The following SLC12A3 variants were observed in gnomAD, a reference collection of about 807,000 sequenced individuals.
The protein encoded by SLC12A3 is solute carrier family 12 member 3.
Under a neutral mutation model 121.0 loss-of-function variants are expected in SLC12A3, and 104 were observed. That is an observed-to-expected ratio of 0.86 (90% CI 0.73 to 1.01). The LOEUF (loss-of-function observed/expected upper bound fraction) is 1.01, where lower values mean the gene tolerates loss of function less well. SLC12A3 is among the 50% of genes least tolerant of loss of function. The pLI, the probability that SLC12A3 is intolerant of heterozygous loss-of-function variation, is 0.00. For missense variants in SLC12A3, 1,328 were observed against 1,356.3 expected (o/e 0.98, Z 0.33); for synonymous variants, 536 against 533.4 (o/e 1.00, Z -0.07).
At chr16:56,866,132 C>T (rs148314043) in intron 1 of SLC12A3, among the ~76,000 whole-genome samples, 11 of 151,954 alleles carry the variant, frequency 7.2e-5, no homozygotes, top group Middle Eastern at 3.4e-3. Context: ...ATTACAGGAG[C>T]GCACCACCAC....
chr16:56,898,845 T>C (rs1443335654), intron 22 of SLC12A3, among the ~76,000 whole-genome samples: 2 of 152,238 alleles, frequency 1.3e-5, no homozygotes, highest in Non-Finnish European at 2.9e-5. Flanking sequence ...TCCTATTCCT[T>C]AGACCTTTGT....
intron 18 of SLC12A3, 21 bp from the exon 19 acceptor site, chr16:56,890,253 C>T (rs773788550): frequency 2.5e-6 from 4 of 1,602,496 alleles, no homozygotes; most frequent in Non-Finnish European, 3.4e-6. Context: ...AGAAGCTGGA[C>T]CTCACCTCCT....
intron 22 of SLC12A3, among the ~76,000 whole-genome samples, chr16:56,898,132 G>A (rs576723588): frequency 6.6e-6 from 1 of 152,290 alleles, no homozygotes; most frequent in East Asian, 1.9e-4. Context: ...AACCAGGCTG[G>A]CACATCAGAA....
Position 56,867,063 on chromosome 16 carries a change from C to T in SLC12A3, c.283-7C>T, listed in dbSNP as rs1415167351. ...ACCTGCCTGACTTGTGGTCTCTGGG[C>T]TGCCAGCAGGAAGGCAGACACCTGC... On this transcript the variant is annotated splice_polypyrimidine_tract_variant and splice_region_variant and intron_variant, in intron 1 of 25. Coordinates refer to ENST00000563236, the MANE Select transcript of SLC12A3 (RefSeq NM_001126108.2). 2 of 1,611,516 alleles carry T rather than the reference C, an allele frequency of 1.2e-6. No homozygotes were observed. The highest frequency in any genetic ancestry group is 1.3e-5 in the African/African-American group (1 of 75,064).
Position 56,884,069 on chromosome 16 carries a change from TACTACA to T in SLC12A3, c.1693_1698del (p.Tyr565_Asn566del), listed in dbSNP as rs1330426810. 2 of 1,614,210 alleles carry T rather than the reference TACTACA, an allele frequency of 1.2e-6. No homozygotes were observed. The highest frequency in any genetic ancestry group is 2.2e-5 in the South Asian group (2 of 91,080). On this transcript the variant is annotated inframe_deletion, in exon 14 of 26. Coordinates refer to ENST00000563236, the MANE Select transcript of SLC12A3 (RefSeq NM_001126108.2). ...CCCAGGGTGGAGACCTTCATTCCAA[TACTACA>T]ACAAGTGGGCGGCGCTGTTTGGGGC...
At chr16:56,877,660 C>T (rs2055180420) in intron 8 of SLC12A3, among the ~76,000 whole-genome samples, 1 of 152,180 alleles carries the variant, frequency 6.6e-6, no homozygotes, top group South Asian at 2.1e-4. Context: ...GAGCACAGCC[C>T]CCTGCCCAGC....
chr16:56,902,518 G>T lies in SLC12A3; in HGVS notation c.2856+10G>T. 1 of 1,600,722 alleles carries T rather than the reference G, an allele frequency of 6.2e-7. No homozygotes were observed. Among genetic ancestry groups the T allele is most frequent in the South Asian group, 1.1e-5 (1 of 90,754 alleles). On this transcript the variant is annotated intron_variant, in intron 24 of 25. Transcript: ENST00000563236. ...GAAGAACAGAGTCAAGGTGCAGAGA[G>T]GGGTGGGGGTGGGAAACGCGACACA...
At chr16:56,908,161 CTTTTTTTTTTTT>C (rs55644914) in intron 25 of SLC12A3, among the ~76,000 whole-genome samples, 2 of 96,994 alleles carry the variant, frequency 2.1e-5, no homozygotes, top group Admixed American at 1.2e-4. Context: ...AGTGATATAA[CTTTTTTTTTTTT>C]TTTTTTTGAG....
chr16:56,876,231 G>A (rs2055162160), intron 8 of SLC12A3, among the ~76,000 whole-genome samples: 2 of 152,108 alleles, frequency 1.3e-5, no homozygotes, highest in Admixed American at 6.6e-5. Context: ...CATTGCATTT[G>A]GGGCCCACCC....
intron 20 of SLC12A3, among the ~76,000 whole-genome samples, chr16:56,892,448 C>T (rs1336825370): frequency 6.6e-6 from 1 of 152,016 alleles, no homozygotes; most frequent in Non-Finnish European, 1.5e-5. Context: ...AGAGTGAGAC[C>T]CTGTCTCAAA....
In SLC12A3 at chr16:56,913,217, G is replaced by A. The variant is rs375332276; in HGVS notation, c.2925-47G>A. 40 of 1,613,364 alleles carry A rather than the reference G, an allele frequency of 2.5e-5. No individual in the cohort carries two copies. The African/African-American group carries it at 4.7e-4, about 19-fold the overall frequency. ...ACAAACTGGGAGCTGGGCGTGTGGAGCGGCCCCGTGGTAATCTCTCTTCTA... is the reference window on the plus strand; with the variant it reads ...ACAAACTGGGAGCTGGGCGTGTGGAACGGCCCCGTGGTAATCTCTCTTCTA... On this transcript the variant is annotated intron_variant, in intron 25 of 25. Coordinates refer to ENST00000563236, the MANE Select transcript of SLC12A3 (RefSeq NM_001126108.2).
intron 21 of SLC12A3, 111 bp from the exon 22 acceptor site, chr16:56,894,420 G>A (rs1331893850): frequency 2.1e-5 from 16 of 761,994 alleles, no homozygotes; most frequent in Middle Eastern, 4.5e-4. Flanking sequence ...GTCGACTGGG[G>A]TCCAGCGAGG....
At chr16:56,869,330 G>A in intron 3 of SLC12A3, among the ~76,000 whole-genome samples, 1 of 152,068 alleles carries the variant, frequency 6.6e-6, no homozygotes, top group Admixed American at 6.6e-5. Context: ...GGTAGACAGA[G>A]ACCCATTTTT....
Position 56,887,107 on chromosome 16 carries a change from G to A in SLC12A3, c.2178+14G>A. 2 of 1,613,844 alleles carry A rather than the reference G, an allele frequency of 1.2e-6. No homozygotes were observed. ...ATCCTCATGCAGGTGCCATGGACTG[G>A]GGGCTCCCCTACAGGACTTACGGCT... On this transcript the variant is annotated intron_variant, in intron 17 of 25. Coordinates refer to ENST00000563236, the MANE Select transcript of SLC12A3 (RefSeq NM_001126108.2).
chr16:56,913,216 A>G (rs2055709084), intron 25 of SLC12A3, 48 bp from the exon 26 acceptor site: 1 of 1,613,230 alleles, frequency 6.2e-7, no homozygotes, highest in Non-Finnish European at 8.5e-7. Flanking sequence ...GGGCGTGTGG[A>G]GCGGCCCCGT....
In SLC12A3 at chr16:56,869,743, A is replaced by G; in HGVS notation, c.520A>G (p.Ile174Val). The G allele has an allele frequency of 6.2e-7, 1 of 1,614,136 alleles. No individual in the cohort carries two copies. The highest frequency in any genetic ancestry group is 8.5e-7 in the Non-Finnish European group (1 of 1,180,008). The change falls in exon 4 of 26, where the codon ATC becomes GTC. Residue 174 changes from isoleucine (I) to valine (V), a missense_variant. Coordinates refer to ENST00000563236, the MANE Select transcript of SLC12A3 (RefSeq NM_001126108.2). The part of the protein sequence containing the change: ...AQAGIVLTWI[I>V]ILLSVTVTSI... ...GCCCCCTGCAGTCCTGACCTGGATC[A>G]TCATCCTGCTGTCGGTCACGGTGAC...
At chr16:56,876,196 G>T (rs2055161457) in intron 8 of SLC12A3, among the ~76,000 whole-genome samples, 1 of 152,082 alleles carries the variant, frequency 6.6e-6, no homozygotes, top group African/African-American at 2.4e-5. Flanking sequence ...TCATCTGTGG[G>T]TCCTTTCCTT....
chr16:56,889,129 C>G lies in SLC12A3; in HGVS notation c.2285+1098C>G, dbSNP rs550233355. On this transcript the variant is annotated intron_variant, in intron 18 of 25. Coordinates refer to ENST00000563236, the MANE Select transcript of SLC12A3 (RefSeq NM_001126108.2). ...GTGTTGATGTTGTTGTGTGAGGTAT[C>G]ACTGAACAACATGAGGCTGAGGGTT... Among the ~76,000 whole-genome samples the G allele has an allele frequency of 5.6e-3, 847 of 152,310 alleles. 15 individuals are homozygous for G. Among genetic ancestry groups the G allele is most frequent in the South Asian group, 0.038 (184 of 4,830 alleles).
At chr16:56,909,965 C>T (rs1337086764) in intron 25 of SLC12A3, among the ~76,000 whole-genome samples, 10 of 152,196 alleles carry the variant, frequency 6.6e-5, no homozygotes. Context: ...CTCAGCTACC[C>T]CAGCACAGCT....
Sources: allele counts gnomAD v4.1 joint callset (sites outside exome capture counted in the v4.1 genomes callset), GRCh38; gene constraint gnomAD v4.1.1; transcripts MANE v1.5; gene names NCBI Gene and HGNC (gene_info 2026-07-23, HGNC 2026-07-21).